CSGALNACT1: variants seen among roughly 807,000 people sequenced by gnomAD.
The protein encoded by CSGALNACT1 is chondroitin sulfate N-acetylgalactosaminyltransferase 1, also known as beta4GalNAcT-1.
A neutral mutation model predicts 51.0 loss-of-function variants in CSGALNACT1; 52 were observed. The ratio of observed to expected loss-of-function variants is 1.02; its 90% CI spans 0.82 to 1.29. The LOEUF (loss-of-function observed/expected upper bound fraction) is 1.29. Ranked by LOEUF, CSGALNACT1 falls within the 50% of genes most tolerant of loss-of-function variation. CSGALNACT1 has a pLI of 0.00. For missense variants in CSGALNACT1, 935 were observed against 679.2 expected (o/e 1.38, Z -4.19); for synonymous variants, 341 against 254.4 (o/e 1.34, Z -3.24).
intron 3 of CSGALNACT1, among the ~76,000 whole-genome samples, chr8:19,554,418 C>T (rs1176431806): frequency 6.6e-6 from 1 of 152,106 alleles, no homozygotes; most frequent in Non-Finnish European, 1.5e-5. Context: ...GGGCCAAGAT[C>T]CTCACCTTCT....
intron 3 of CSGALNACT1, among the ~76,000 whole-genome samples, chr8:19,586,472 T>G (rs2046680704): frequency 6.6e-6 from 1 of 150,772 alleles, no homozygotes; most frequent in Non-Finnish European, 1.5e-5. Flanking sequence ...ATTCTCAACC[T>G]CTAAAACATA....
At chr8:19,590,640 C>CTTTTTTTTTTTTTTTTTTTTTTTTTTT (rs34859554) in intron 3 of CSGALNACT1, among the ~76,000 whole-genome samples, 1 of 68,970 alleles carries the variant, frequency 1.4e-5, no homozygotes, top group African/African-American at 5.5e-5. Flanking sequence ...GACCTAACTA[C>CTTTTTTTTTTTTTTTTTTTTTTTTTTT]TTTTTTTTTT....
At chr8:19,459,012 T>A (rs1349961265) in intron 4 of CSGALNACT1, among the ~76,000 whole-genome samples, 1 of 152,160 alleles carries the variant, frequency 6.6e-6, no homozygotes, top group East Asian at 1.9e-4. Context: ...GTATCCAAAT[T>A]TCCTGCAATA....
intron 3 of CSGALNACT1, among the ~76,000 whole-genome samples, chr8:19,578,928 C>G (rs1396820625): frequency 2.0e-5 from 3 of 152,160 alleles, no homozygotes; most frequent in African/African-American, 7.2e-5. Flanking sequence ...GGAGTTCTTG[C>G]TACGTTGACC....
upstream of CSGALNACT1, among the ~76,000 whole-genome samples, chr8:19,684,294 G>A (rs1431653619): frequency 6.6e-6 from 1 of 152,120 alleles, no homozygotes; most frequent in Non-Finnish European, 1.5e-5. Flanking sequence ...TGGTAAAGGT[G>A]GCATTTCAAA....
chr8:19,413,225 C>A (rs1004149874), intron 8 of CSGALNACT1, among the ~76,000 whole-genome samples: 2 of 152,084 alleles, frequency 1.3e-5, no homozygotes, highest in African/African-American at 2.4e-5. Context: ...TTCCAGGAAC[C>A]TATCATCTAA....
intron 1 of CSGALNACT1, among the ~76,000 whole-genome samples, chr8:19,753,458 G>C (rs1437436665): frequency 1.3e-5 from 2 of 152,144 alleles, no homozygotes; most frequent in Non-Finnish European, 2.9e-5. Context: ...AGATAAGACA[G>C]GAAAACCACT....
intron 1 of CSGALNACT1, among the ~76,000 whole-genome samples, chr8:19,710,201 T>A (rs1373369965): frequency 2.0e-5 from 3 of 152,216 alleles, no homozygotes; most frequent in Non-Finnish European, 2.9e-5. Flanking sequence ...ATTATAATTT[T>A]CTCTGTCATT....
intron 1 of CSGALNACT1, among the ~76,000 whole-genome samples, chr8:19,704,679 C>CGGATGGATGGATGGATGGGTGGATAAAT (rs1489299025): frequency 1.3e-5 from 2 of 151,906 alleles, no homozygotes; most frequent in East Asian, 3.8e-4. Context: ...TACCCATAGA[C>CGGATGGATGGATGGATGGGTGGATAAAT]GGATGGATGG....
At chr8:19,526,255 G>T (rs1395218615) in intron 3 of CSGALNACT1, among the ~76,000 whole-genome samples, 1 of 152,144 alleles carries the variant, frequency 6.6e-6, no homozygotes, top group East Asian at 1.9e-4. Context: ...TAGAGGGGCA[G>T]AACAGCTATT....
intron 3 of CSGALNACT1, among the ~76,000 whole-genome samples, chr8:19,541,611 G>A (rs113941616): frequency 0.025 from 3,272 of 131,796 alleles, 133 homozygotes; most frequent in African/African-American, 0.092. Flanking sequence ...CATTGGCCAG[G>A]CAGGTCTCCA....
chr8:19,652,393 C>T (rs1314562864), intron 1 of CSGALNACT1, among the ~76,000 whole-genome samples: 1 of 152,170 alleles, frequency 6.6e-6, no homozygotes, highest in African/African-American at 2.4e-5. Context: ...TTCAAATATT[C>T]ATGGACCATG....
At chr8:19,741,560 C>CAA (rs71545567) in intron 1 of CSGALNACT1, among the ~76,000 whole-genome samples, 34,514 of 107,948 alleles carry the variant, frequency 0.32, 5,550 homozygotes, top group East Asian at 0.42. Context: ...GAGACTCCAT[C>CAA]AAAAAAAAAA....
At chr8:19,744,422 G>T (rs933875761) in intron 1 of CSGALNACT1, among the ~76,000 whole-genome samples, 1 of 152,156 alleles carries the variant, frequency 6.6e-6, no homozygotes, top group African/African-American at 2.4e-5. Flanking sequence ...GCTGATGTCA[G>T]AATCCCAGAG....
At chr8:19,420,542 T>G in intron 6 of CSGALNACT1, 24 bp from the exon 6 acceptor site, 2 of 1,610,700 alleles carry the variant, frequency 1.2e-6, no homozygotes, top group Non-Finnish European at 1.7e-6. Flanking sequence ...CCAGGTACTG[T>G]CACTCACATT....
At chr8:19,683,513 T>C (rs370227872), upstream of CSGALNACT1, among the ~76,000 whole-genome samples, 42 of 152,268 alleles carry the variant, frequency 2.8e-4, no homozygotes, top group East Asian at 1.2e-3. Context: ...TTAGAAAAGA[T>C]TGTGGAAGAG....
At chr8:19,471,267 C>G (rs894312243) in intron 4 of CSGALNACT1, among the ~76,000 whole-genome samples, 2 of 152,168 alleles carry the variant, frequency 1.3e-5, no homozygotes, top group Non-Finnish European at 2.9e-5. Flanking sequence ...AAGGAGAACA[C>G]TGCGCATGCG....
intron 4 of CSGALNACT1, among the ~76,000 whole-genome samples, chr8:19,461,606 C>A (rs2065417481): frequency 1.5e-5 from 2 of 132,044 alleles, no homozygotes; most frequent in African/African-American, 6.0e-5. Flanking sequence ...CGCACAGCGG[C>A]CACATTCACC....
At chr8:19,665,116 C>T (rs989107224) in intron 1 of CSGALNACT1, among the ~76,000 whole-genome samples, 4 of 152,152 alleles carry the variant, frequency 2.6e-5, no homozygotes, top group Non-Finnish European at 4.4e-5. Flanking sequence ...CAAGTTCAAG[C>T]GATTCTTCTC....
Sources: allele counts gnomAD v4.1 joint callset (sites outside exome capture counted in the v4.1 genomes callset), GRCh38; gene constraint gnomAD v4.1.1; transcripts MANE v1.5; gene names NCBI Gene and HGNC (gene_info 2026-07-23, HGNC 2026-07-21).